Variants in TMEM233 observed in about 807,000 individuals in gnomAD.
TMEM233 encodes dispanin subfamily B member 2.
In TMEM233, 6 loss-of-function variants were observed where a neutral mutation model predicts 11.2. The observed-to-expected ratio is 0.54, with a 90% CI of 0.29 to 1.06. The LOEUF is 1.06. Ranked by LOEUF, TMEM233 falls within the 50% of genes least tolerant of loss-of-function variation. The pLI, the probability that TMEM233 is intolerant of heterozygous loss-of-function variation, is 0.08. For missense variants in TMEM233, 127 were observed against 144.7 expected (o/e 0.88, Z 0.63); for synonymous variants, 59 against 55.8 (o/e 1.06, Z -0.26).
At chr12:119,621,436 G>A (rs1367546206) in intron 1 of TMEM233, among the ~76,000 whole-genome samples, 1 of 152,156 alleles carries the variant, frequency 6.6e-6, no homozygotes, top group Non-Finnish European at 1.5e-5. Flanking sequence ...TCCTGCCTCA[G>A]CCTCCCAAAG....
chr12:119,594,308 G>A lies in TMEM233; in HGVS notation c.186+274G>A. 2.3e-6 allele frequency: 1 copy of A among 430,684 alleles called. No homozygotes were observed. The highest frequency in any genetic ancestry group is 3.6e-5 in the South Asian group (1 of 27,678). 26.7% of individuals were successfully genotyped at this position (430,684 alleles called of 1,614,324 possible). A position where few individuals can be genotyped will look rare whatever the true frequency, so the allele number is the denominator to read the frequency against. On this transcript the variant is annotated intron_variant, in intron 1 of 2. Coordinates refer to ENST00000426426, the MANE Select transcript of TMEM233 (RefSeq NM_001136534.3). The surrounding 1 kb of genome is among the most constrained non-coding windows in gnomAD (Gnocchi z 5.6). ...CTCTTCTTTCCAGCTCCCAGGGTGC[G>A]TTTCCTCTCCAACCCGGGGAAGTTC...
intron 1 of TMEM233, among the ~76,000 whole-genome samples, chr12:119,613,422 G>A (rs1226905270): frequency 2.6e-5 from 4 of 152,166 alleles, no homozygotes; most frequent in Non-Finnish European, 4.4e-5. Flanking sequence ...TCAACAGGCC[G>A]CTGAATCAAA....
chr12:119,595,580 T>C lies in TMEM233; in HGVS notation c.186+1546T>C, dbSNP rs1322264703. On this transcript the variant is annotated intron_variant, in intron 1 of 2. Transcript: ENST00000426426. This position sits in a 1 kb window ranked among gnomAD's most constrained non-coding sequence, Gnocchi z 4.3. The stretch of plus-strand genomic sequence containing the variant: ...GTGTGATCTCTGAAGTCACTGCATC[T>C]CTGAACCTCAGTCTCTTTGTAAAAC... Among the ~76,000 whole-genome samples, 5 of 152,236 alleles carry C rather than the reference T, an allele frequency of 3.3e-5. No homozygotes were observed. Among genetic ancestry groups the C allele is most frequent in the Admixed American group, 6.5e-5 (1 of 15,288 alleles).
chr12:119,616,250 A>G lies in TMEM233; in HGVS notation c.187-13486A>G, dbSNP rs561570996. ...AAGAGTCACTGCAGGAGACTCCTGC[A>G]TGCCTTATGAAATACGTGATGAGAA... is the stretch of plus-strand genomic sequence containing the variant. On this transcript the variant is annotated intron_variant, in intron 1 of 2. Transcript: ENST00000426426. 2.6e-4 allele frequency among the ~76,000 whole-genome samples: 40 copies of G among 152,318 alleles called. No homozygotes were observed. The South Asian group carries it at 8.3e-3, about 32-fold the overall frequency.
intron 1 of TMEM233, among the ~76,000 whole-genome samples, chr12:119,624,194 TA>T (rs199789657): frequency 8.1e-5 from 12 of 147,350 alleles, no homozygotes; most frequent in African/African-American, 1.5e-4. Context: ...TACCAAAAAT[TA>T]AAAAAAAAAC....
intron 1 of TMEM233, among the ~76,000 whole-genome samples, chr12:119,597,496 A>G (rs1485408253): frequency 1.3e-5 from 2 of 151,980 alleles, no homozygotes; most frequent in Non-Finnish European, 2.9e-5. Context: ...AACAATCTCA[A>G]AACAATCAAT....
chr12:119,618,733 C>T (rs1399149421), intron 1 of TMEM233, among the ~76,000 whole-genome samples: 2 of 152,212 alleles, frequency 1.3e-5, no homozygotes, highest in Non-Finnish European at 2.9e-5. Flanking sequence ...CCTGTACCCC[C>T]ATTGTATCTA....
chr12:119,644,540 C>T (rs576352458), downstream of TMEM233, among the ~76,000 whole-genome samples: 11 of 147,756 alleles, frequency 7.4e-5, no homozygotes, highest in African/African-American at 2.3e-4. Context: ...TGCAATGGCA[C>T]GATCTCTGCT....
At chr12:119,624,257 G>A (rs540623205) in intron 1 of TMEM233, among the ~76,000 whole-genome samples, 8 of 152,044 alleles carry the variant, frequency 5.3e-5, no homozygotes, top group Middle Eastern at 3.4e-3. Flanking sequence ...CTACTCAGGA[G>A]GCTGAAGTGG....
At chr12:119,645,971 C>G (rs1955146530), downstream of TMEM233, among the ~76,000 whole-genome samples, 1 of 152,074 alleles carries the variant, frequency 6.6e-6, no homozygotes, top group African/African-American at 2.4e-5. Context: ...TGATCACCCC[C>G]AAGAAAGAGG....
chr12:119,634,236 A>G (rs1226812013), intron 2 of TMEM233: 2 of 985,238 alleles, frequency 2.0e-6, no homozygotes, highest in Non-Finnish European at 2.4e-6. Context: ...GGGCTGGAAA[A>G]TCTGACATTA....
At chr12:119,629,492 G>T (rs370083392) in intron 1 of TMEM233, among the ~76,000 whole-genome samples, 1 of 152,178 alleles carries the variant, frequency 6.6e-6, no homozygotes, top group African/African-American at 2.4e-5. Flanking sequence ...ACAAAATCTT[G>T]TTACGTAAAT....
chr12:119,635,587 G>A (rs892202613), intron 2 of TMEM233, among the ~76,000 whole-genome samples: 2 of 152,138 alleles, frequency 1.3e-5, no homozygotes, highest in Admixed American at 1.3e-4. Flanking sequence ...TACCAACTAG[G>A]TATTCTGTAA....
intron 2 of TMEM233, among the ~76,000 whole-genome samples, chr12:119,630,634 G>A (rs1243532525): frequency 6.6e-6 from 1 of 152,220 alleles, no homozygotes; most frequent in Non-Finnish European, 1.5e-5. Flanking sequence ...TAGAACATGA[G>A]GTGTCCTCAG....
rs755987884 is a variant in TMEM233, at chr12:119,629,778, C to T, written c.229C>T (p.Arg77Trp). ...CGATGGAGACTACGAAGGAGCCAGG[C>T]GGCTTGGGCGGAATGCTAAGTGGGT... ...YNDGDYEGAR[R>W]LGRNAKWVAI... Residue 77 changes from arginine to tryptophan, a missense_variant, in exon 2 of 3, where the codon CGG becomes TGG. Physicochemically the swap from Arg to Trp is moderately radical, Grantham distance 101. Transcript: ENST00000426426. 16 of 1,551,646 alleles carry T rather than the reference C, an allele frequency of 1.0e-5. No homozygotes were observed. Among genetic ancestry groups the T allele is most frequent in the East Asian group, 9.8e-5 (4 of 40,912 alleles).
the TMEM233 span, among the ~76,000 whole-genome samples, chr12:119,654,126 C>T: frequency 6.6e-6 from 1 of 151,750 alleles, no homozygotes; most frequent in South Asian, 2.1e-4. Flanking sequence ...ATTGACTTCT[C>T]TTTTTTTTCA....
chr12:119,615,941 T>C (rs2136721480), intron 1 of TMEM233, among the ~76,000 whole-genome samples: 1 of 152,290 alleles, frequency 6.6e-6, no homozygotes, highest in East Asian at 1.9e-4. Context: ...CACAGCAACC[T>C]TTTTGAGGTT....
At chr12:119,604,686 A>G (rs1954231890) in intron 1 of TMEM233, among the ~76,000 whole-genome samples, 2 of 152,048 alleles carry the variant, frequency 1.3e-5, no homozygotes, top group South Asian at 4.2e-4. Context: ...CCCAGACTGG[A>G]GTGCAATGGT....
chr12:119,595,072 C>A lies in TMEM233; in HGVS notation c.186+1038C>A, dbSNP rs1252310628. ...CCGCTGGGGCCTCTAGTCCGCCCTT[C>A]CGGAGCTCAGCTCCCTAGCCCTCTT... On this transcript the variant is annotated intron_variant, in intron 1 of 2. Transcript: ENST00000426426. This position sits in a 1 kb window ranked among gnomAD's most constrained non-coding sequence, Gnocchi z 4.3. 6.6e-6 allele frequency among the ~76,000 whole-genome samples: 1 copy of A among 152,242 alleles called. No individual in the cohort carries two copies. Among genetic ancestry groups the A allele is most frequent in the Non-Finnish European group, 1.5e-5 (1 of 68,038 alleles).
Sources: gnomAD v4.1 joint callset for allele counts (sites outside exome capture counted in the v4.1 genomes callset) on GRCh38, gnomAD v4.1.1 for gene constraint, Gnocchi (gnomAD v3.1) non-coding constraint, MANE v1.5 for transcripts, NCBI Gene and HGNC (gene_info 2026-07-23, HGNC 2026-07-21) for gene names.